SEMA3D: variants seen among roughly 807,000 people sequenced by gnomAD.
SEMA3D encodes the protein semaphorin-3D.
In SEMA3D, 84 loss-of-function variants were observed where a neutral mutation model predicts 100.1. The observed-to-expected ratio is 0.84, with a 90% confidence interval of 0.70 to 1.01. The LOEUF (loss-of-function observed/expected upper bound fraction) is 1.01. Among genes scored for constraint, SEMA3D ranks in the 50% least tolerant of loss-of-function variants. The probability of loss-of-function intolerance (pLI) is 0.00; values close to 1 mark genes in which losing one functional copy is unlikely to be tolerated. For synonymous variants in SEMA3D, 312 were observed against 320.7 expected (o/e 0.97, Z 0.29); for missense variants, 875 against 934.1 (o/e 0.94, Z 0.82).
At chr7:85,065,341 C>A in intron 8 of SEMA3D, 83 bp downstream of exon 8, 1 of 1,237,198 alleles carries the variant, frequency 8.1e-7, no homozygotes, top group Admixed American at 2.1e-5. Flanking sequence ...TTCCAAAACA[C>A]ATTTGAATGA....
intron 1 of SEMA3D, among the ~76,000 whole-genome samples, chr7:85,162,734 A>G (rs1281194586): frequency 6.6e-6 from 1 of 152,166 alleles, no homozygotes; most frequent in Non-Finnish European, 1.5e-5. Flanking sequence ...AGCTCTGTCA[A>G]GTTTCCAGAA....
chr7:85,122,592 A>G (rs1160510586), intron 2 of SEMA3D, among the ~76,000 whole-genome samples: 1 of 152,178 alleles, frequency 6.6e-6, no homozygotes. Context: ...TATCATCCCC[A>G]AATGAAAAGA....
intron 2 of SEMA3D, among the ~76,000 whole-genome samples, chr7:85,138,745 T>C (rs1789944894): frequency 1.3e-5 from 2 of 151,114 alleles, no homozygotes; most frequent in Admixed American, 6.6e-5. Flanking sequence ...ACACGTGCCA[T>C]GGTGGTTTGC....
chr7:85,087,374 G>A (rs1010255993), intron 4 of SEMA3D, among the ~76,000 whole-genome samples: 2 of 152,186 alleles, frequency 1.3e-5, no homozygotes, highest in Admixed American at 1.3e-4. Flanking sequence ...TGGGACCTTA[G>A]AGCCTTGATA....
At chr7:85,092,446 A>C (rs1788423636) in intron 4 of SEMA3D, among the ~76,000 whole-genome samples, 1 of 152,034 alleles carries the variant, frequency 6.6e-6, no homozygotes, top group South Asian at 2.1e-4. Flanking sequence ...AAAAATATTC[A>C]AAGTGTAGTC....
intron 2 of SEMA3D, among the ~76,000 whole-genome samples, chr7:85,146,493 G>A (rs971644874): frequency 6.6e-6 from 1 of 151,864 alleles, no homozygotes; most frequent in African/African-American, 2.4e-5. Context: ...GGCGGAGGTT[G>A]CATTGAGCCA....
chr7:85,187,773 G>A (rs1037489169), upstream of SEMA3D, among the ~76,000 whole-genome samples: 10 of 152,162 alleles, frequency 6.6e-5, no homozygotes, highest in African/African-American at 2.4e-4. Context: ...AAGTAATGCA[G>A]AAATATCTCA....
intron 3 of SEMA3D, among the ~76,000 whole-genome samples, chr7:85,110,736 T>A (rs2116364077): frequency 6.6e-6 from 1 of 152,188 alleles, no homozygotes; most frequent in African/African-American, 2.4e-5. Context: ...ATTATTTCAA[T>A]TAAAATACAA....
intron 6 of SEMA3D, among the ~76,000 whole-genome samples, chr7:85,069,762 G>T (rs1439965694): frequency 6.6e-6 from 1 of 152,142 alleles, no homozygotes; most frequent in South Asian, 2.1e-4. Context: ...TTAATATCAC[G>T]CCTATTTAAA....
At chr7:85,085,488 A>G (rs910962836) in intron 4 of SEMA3D, among the ~76,000 whole-genome samples, 1 of 152,194 alleles carries the variant, frequency 6.6e-6, no homozygotes, top group Non-Finnish European at 1.5e-5. Flanking sequence ...TGAAACCTAA[A>G]TAAAAGTTTC....
In SEMA3D at chr7:85,126,399, T is replaced by TGTC. The variant is rs1330911205; in HGVS notation, c.-40-4469_-40-4468insGAC. On this transcript the variant is annotated intron_variant, in intron 2 of 18. Coordinates refer to ENST00000284136, the MANE Select transcript of SEMA3D (RefSeq NM_001384900.1). ...TCGTGTGTGTGTGTGTGTGTGTGTG[T>TGTC]GTGTCGTGTGTGTGTGTGTGTGTGT... is the stretch of plus-strand genomic sequence containing the variant. Among the ~76,000 whole-genome samples, 23 of 122,098 alleles carry TGTC rather than the reference T, an allele frequency of 1.9e-4. 1 individual carries two copies. The highest frequency in any genetic ancestry group is 3.4e-4 in the African/African-American group (10 of 29,184). 80.1% of individuals were successfully genotyped at this position (122,098 alleles called of 152,430 possible). A position where few individuals can be genotyped will look rare whatever the true frequency, so the allele number is the denominator to read the frequency against.
At chr7:85,171,792 A>G (rs1383250392) in intron 1 of SEMA3D, among the ~76,000 whole-genome samples, 1 of 152,070 alleles carries the variant, frequency 6.6e-6, no homozygotes, top group Admixed American at 6.6e-5. Flanking sequence ...GGAATGAGTG[A>G]ATTTATATAT....
the SEMA3D span, among the ~76,000 whole-genome samples, chr7:85,237,505 C>A: frequency 4.6e-5 from 7 of 152,080 alleles, no homozygotes; most frequent in African/African-American, 1.7e-4. Context: ...TTTGCTTTTT[C>A]CAGAATGTCA....
intron 12 of SEMA3D, among the ~76,000 whole-genome samples, chr7:85,031,682 G>A (rs969426243): frequency 1.3e-5 from 2 of 151,870 alleles, no homozygotes; most frequent in African/African-American, 2.4e-5. Flanking sequence ...CGCTGGGCTT[G>A]TTTCTTATCT....
intron 4 of SEMA3D, among the ~76,000 whole-genome samples, chr7:85,085,381 C>T (rs949725634): frequency 1.3e-5 from 2 of 152,010 alleles, no homozygotes; most frequent in Non-Finnish European, 2.9e-5. Flanking sequence ...ATAAATGATG[C>T]CTCCAAAATT....
At chr7:85,208,192 C>T in the SEMA3D span, among the ~76,000 whole-genome samples, 2 of 151,582 alleles carry the variant, frequency 1.3e-5, no homozygotes, top group East Asian at 2.0e-4. Context: ...ATTGCTTAAA[C>T]ATTTAAAATA....
At chr7:85,137,577 T>C (rs1789905714) in intron 2 of SEMA3D, among the ~76,000 whole-genome samples, 1 of 152,154 alleles carries the variant, frequency 6.6e-6, no homozygotes, top group Non-Finnish European at 1.5e-5. Context: ...CGAGTTCCTC[T>C]GATTGAATGC....
At chr7:85,147,764 G>C (rs1172838412) in intron 2 of SEMA3D, among the ~76,000 whole-genome samples, 1 of 151,904 alleles carries the variant, frequency 6.6e-6, no homozygotes, top group Non-Finnish European at 1.5e-5. Context: ...ATTGTTTTCT[G>C]ATCTTGTAGT....
upstream of SEMA3D, among the ~76,000 whole-genome samples, chr7:85,191,665 T>G (rs1030928864): frequency 6.6e-6 from 1 of 152,152 alleles, no homozygotes; most frequent in Non-Finnish European, 1.5e-5. Context: ...CAAGTGGAAT[T>G]AAACTATTTC....
Sources: gnomAD v4.1 joint callset for allele counts (sites outside exome capture counted in the v4.1 genomes callset) on GRCh38, gnomAD v4.1.1 for gene constraint, MANE v1.5 for transcripts, NCBI Gene and HGNC (gene_info 2026-07-23, HGNC 2026-07-21) for gene names.